The following SRFBP1 variants were observed in gnomAD, a reference collection of about 807,000 sequenced individuals.
SRFBP1 encodes serum response factor-binding protein 1.
A neutral mutation model predicts 45.5 loss-of-function variants in SRFBP1; 47 were observed. That is an observed-to-expected ratio of 1.03 (90% CI 0.82 to 1.32). SRFBP1 has a LOEUF of 1.32. Ranked by LOEUF, SRFBP1 falls within the 40% of genes most tolerant of loss-of-function variation. SRFBP1 has a pLI of 0.00. For missense variants in SRFBP1, 621 were observed against 484.6 expected, an observed-to-expected ratio of 1.28 and a Z score of -2.64; for synonymous variants, 203 against 166.3, an observed-to-expected ratio of 1.22 and a Z score of -1.70.
chr5:121,968,993 A>G (rs542497311), intron 1 of SRFBP1, among the ~76,000 whole-genome samples: 1 of 152,300 alleles, frequency 6.6e-6, no homozygotes, highest in South Asian at 2.1e-4. Context: ...GTGAATTTTC[A>G]GAGGCTAACT....
chr5:121,999,267 G>A (rs951209854), intron 4 of SRFBP1, among the ~76,000 whole-genome samples: 15 of 152,022 alleles, frequency 9.9e-5, no homozygotes, highest in South Asian at 8.3e-4. Flanking sequence ...TTTCCAGACC[G>A]TTAGGGGTTT....
intron 4 of SRFBP1, among the ~76,000 whole-genome samples, chr5:122,009,896 C>T (rs572505540): frequency 6.6e-6 from 1 of 152,260 alleles, no homozygotes; most frequent in African/African-American, 2.4e-5. Context: ...CTTTTAGAAG[C>T]TAGTGCCATA....
intron 4 of SRFBP1, among the ~76,000 whole-genome samples, chr5:122,008,110 CAG>C (rs781642751): frequency 1.3e-5 from 2 of 152,088 alleles, no homozygotes; most frequent in Non-Finnish European, 2.9e-5. Flanking sequence ...ACAGGTCTGA[CAG>C]GGGCTGACCT....
intron 2 of SRFBP1, among the ~76,000 whole-genome samples, chr5:122,059,739 T>TTATTCA (rs1278106127): frequency 6.6e-6 from 1 of 152,108 alleles, no homozygotes; most frequent in Non-Finnish European, 1.5e-5. Flanking sequence ...TGGACTGTAC[T>TTATTCA]TATTCTATAG....
chr5:122,022,020 A>T (rs1753336569), intron 6 of SRFBP1, among the ~76,000 whole-genome samples: 1 of 151,922 alleles, frequency 6.6e-6, no homozygotes, highest in African/African-American at 2.4e-5. Context: ...TTTTTGTTAT[A>T]TGAGAGTCAT....
At chr5:121,990,476 T>C (rs1242675783) in intron 3 of SRFBP1, among the ~76,000 whole-genome samples, 1 of 152,078 alleles carries the variant, frequency 6.6e-6, no homozygotes, top group Admixed American at 6.6e-5. Context: ...TGGGGTACTA[T>C]CCTCACTATC....
chr5:122,062,897 TAGTC>T (rs1490341270), intron 2 of SRFBP1, among the ~76,000 whole-genome samples: 1 of 151,950 alleles, frequency 6.6e-6, no homozygotes, highest in Non-Finnish European at 1.5e-5. Flanking sequence ...TTTATATCTA[TAGTC>T]AGATATATTT....
intron 2 of SRFBP1, among the ~76,000 whole-genome samples, chr5:122,053,294 G>A (rs967725725): frequency 4.6e-5 from 7 of 152,158 alleles, no homozygotes; most frequent in Admixed American, 1.3e-4. Context: ...CCCTCTGGAT[G>A]TTTCCAGGGT....
intron 2 of SRFBP1, among the ~76,000 whole-genome samples, chr5:122,055,343 G>A (rs1754060217): frequency 6.6e-6 from 1 of 152,136 alleles, no homozygotes; most frequent in Non-Finnish European, 1.5e-5. Context: ...TGGGAGTGAG[G>A]ATTTCAGCAT....
Position 122,070,185 on chromosome 5 carries a change from G to A in SRFBP1, n.312-5130G>A, listed in dbSNP as rs199747432. 4 of 1,350,548 alleles carry A rather than the reference G, an allele frequency of 3.0e-6. No homozygotes were observed. The African/African-American group carries it at 4.3e-5, about 15-fold the overall frequency. The allele number at this position is 1,350,548 out of a possible 1,614,324, so 83.7% of individuals were successfully genotyped here. ...TACACTGACCTGGGCAACACAAAGA[G>A]TTCCTCAGTATTTCTTTTTCCATAG... On this transcript the variant is annotated intron_variant and non_coding_transcript_variant, in intron 2 of 2. Transcript: ENST00000504881.
rs181022676 is a variant in SRFBP1 at position 121,971,957 on chromosome 5, A to G, written c.37-2239A>G. Among the ~76,000 whole-genome samples, 208 of 152,054 alleles carry G rather than the reference A, an allele frequency of 1.4e-3. 1 individual carries two copies. Among genetic ancestry groups the G allele is most frequent in the African/African-American group, 4.9e-3 (202 of 41,562 alleles). Reference sequence around the variant, plus strand: ...GAAAATCAAACTGGATTTGTGTGGCATGCAGAAATAGAGATACTGAGTTTG... The same window carrying G: ...GAAAATCAAACTGGATTTGTGTGGCGTGCAGAAATAGAGATACTGAGTTTG... On this transcript the variant is annotated intron_variant, in intron 1 of 7. Coordinates refer to ENST00000339397, the MANE Select transcript of SRFBP1 (RefSeq NM_152546.3).
chr5:122,071,283 C>T (rs1561418027), intron 2 of SRFBP1, among the ~76,000 whole-genome samples: 1 of 151,758 alleles, frequency 6.6e-6, no homozygotes, highest in East Asian at 1.9e-4. Flanking sequence ...GATGAGAAAA[C>T]TAAGGCACAC....
At chr5:121,981,870 G>A (rs1054406000) in intron 3 of SRFBP1, among the ~76,000 whole-genome samples, 1 of 151,722 alleles carries the variant, frequency 6.6e-6, no homozygotes, top group Non-Finnish European at 1.5e-5. Flanking sequence ...AAGAAAATGG[G>A]TTATTTTACT....
chr5:122,050,889 G>A (rs80320345), intron 2 of SRFBP1, among the ~76,000 whole-genome samples: 1 of 152,112 alleles, frequency 6.6e-6, no homozygotes, highest in Non-Finnish European at 1.5e-5. Flanking sequence ...TGGGCATTTA[G>A]TACTATAAAA....
chr5:122,030,796 T>A (rs1346605872), downstream of SRFBP1, among the ~76,000 whole-genome samples: 5 of 152,158 alleles, frequency 3.3e-5, no homozygotes, highest in Non-Finnish European at 1.5e-5. Flanking sequence ...ACCACACTAC[T>A]AAGTTTAATG....
chr5:122,047,524 A>G (rs1044201648), intron 2 of SRFBP1, among the ~76,000 whole-genome samples: 1 of 152,210 alleles, frequency 6.6e-6, no homozygotes, highest in Non-Finnish European at 1.5e-5. Flanking sequence ...TGTCTTGGCA[A>G]TGCGGGCTCT....
At chr5:122,033,127 T>C (rs1753617321), downstream of SRFBP1, among the ~76,000 whole-genome samples, 1 of 151,696 alleles carries the variant, frequency 6.6e-6, no homozygotes. Flanking sequence ...GTATCAATTT[T>C]TTGAATTTTT....
intron 1 of SRFBP1, among the ~76,000 whole-genome samples, chr5:121,970,992 T>G (rs1038535794): frequency 3.3e-5 from 5 of 152,170 alleles, no homozygotes; most frequent in Admixed American, 3.3e-4. Context: ...TCAGGATGAA[T>G]AGATGTTAAC....
intron 1 of SRFBP1, among the ~76,000 whole-genome samples, chr5:121,968,184 G>A (rs1426839481): frequency 6.6e-6 from 1 of 151,286 alleles, no homozygotes; most frequent in Non-Finnish European, 1.5e-5. Flanking sequence ...AAGACCCCCA[G>A]TGTATGCTTA....
Sources: gnomAD v4.1 joint callset for allele counts (sites outside exome capture counted in the v4.1 genomes callset) on GRCh38, gnomAD v4.1.1 for gene constraint, MANE v1.5 for transcripts, NCBI Gene and HGNC (gene_info 2026-07-23, HGNC 2026-07-21) for gene names.